The following ZNF480 variants were observed in gnomAD, a reference collection of about 807,000 sequenced individuals.
ZNF480 encodes zinc finger protein 480.
A neutral mutation model predicts 14.4 loss-of-function variants in ZNF480; 15 were observed. The observed-to-expected ratio is 1.04, with a 90% CI of 0.70 to 1.60. ZNF480 has a LOEUF of 1.60. Among genes scored for constraint, ZNF480 ranks in the 40% most tolerant of loss-of-function variants. The pLI is 0.00. For missense variants in ZNF480, 593 were observed against 629.7 expected (o/e 0.94, Z 0.62); for synonymous variants, 218 against 215.5 (o/e 1.01, Z -0.10).
At position 52,322,433 on chromosome 19, in the gene ZNF480, G is replaced by GGA. The variant is rs1463048412; in HGVS notation, c.1188_1189dup (p.Lys397ArgfsTer52). The stretch of plus-strand genomic sequence containing the variant: ...AGCACAACATTGGAGAATTCATACA[G>GGA]GAGAGAAACCTTACAAATGTAATGA... On this transcript the variant is annotated frameshift_variant, in exon 5 of 5. Transcript: ENST00000595962. LOFTEE classifies it low-confidence loss of function (END_TRUNC). 2 of 1,613,890 alleles carry GGA rather than the reference G, an allele frequency of 1.2e-6. No homozygotes were observed. The highest frequency in any genetic ancestry group is 2.7e-5 in the African/African-American group (2 of 74,902).
rs1332522696 is a variant in ZNF480 at position 52,310,267 on chromosome 19, G to A, written c.73-3886G>A. 2.6e-5 allele frequency among the ~76,000 whole-genome samples: 4 copies of A among 152,036 alleles called. No homozygotes were observed. In the East Asian group the frequency reaches 7.7e-4, roughly 29 times the overall value. ...AGATGGGGTTTCACCATGTTGGCCA[G>A]GCTGGTCTCGAACTCCTGACCTCAA... On this transcript the variant is annotated intron_variant, in intron 2 of 4. Coordinates refer to ENST00000595962, the MANE Select transcript of ZNF480 (RefSeq NM_144684.4).
At position 52,315,951 on chromosome 19, in the gene ZNF480, G is replaced by C; in HGVS notation, c.317G>C (p.Gly106Ala). 6.2e-7 allele frequency: 1 copy of C among 1,609,554 alleles called. No homozygotes were observed. Among genetic ancestry groups the C allele is most frequent in the Non-Finnish European group, 8.5e-7 (1 of 1,176,988 alleles). Residue 106 changes from glycine (G) to alanine (A), a missense_variant, in exon 4 of 5, where the codon GGT (glycine) becomes GCT (alanine). Physicochemically the swap from Gly to Ala is moderately conservative, Grantham distance 60 (BLOSUM62 0). Coordinates refer to ENST00000595962, the MANE Select transcript of ZNF480 (RefSeq NM_144684.4). ...KNSDGRECIK[G>A]VNTGSSYALG... is the part of the protein sequence containing the mutation. The stretch of plus-strand genomic sequence containing the variant: ...TCAGATGGGAGGGAGTGCATCAAAG[G>C]TGTGAACACAGGTAAGAGCTCAGAT...
chr19:52,314,951 G>A (rs898417036), intron 3 of ZNF480, among the ~76,000 whole-genome samples: 79 of 152,174 alleles, frequency 5.2e-4, no homozygotes, highest in African/African-American at 1.6e-3. Flanking sequence ...GTACCAGGGC[G>A]GAAGTATGCA....
intron 4 of ZNF480, among the ~76,000 whole-genome samples, chr19:52,316,194 C>CTCTTTCTT (rs56388324): frequency 0.28 from 39,484 of 142,536 alleles, 6,069 homozygotes; most frequent in South Asian, 0.35. Context: ...CTCTCTCTTT[C>CTCTTTCTT]TCTTTCTTTC....
intron 4 of ZNF480, among the ~76,000 whole-genome samples, chr19:52,316,922 T>C (rs577155193): frequency 6.6e-6 from 1 of 152,368 alleles, no homozygotes; most frequent in East Asian, 1.9e-4. Context: ...TATTTGTCTG[T>C]ACCACAGTTT....
In ZNF480 at chr19:52,321,688, G is replaced by A; in HGVS notation, c.438G>A (p.Arg146=). The A allele has an allele frequency of 1.2e-6, 2 of 1,613,966 alleles. No individual in the cohort carries two copies. The highest frequency in any genetic ancestry group is 1.7e-6 in the Non-Finnish European group (2 of 1,179,952). ...AACTGGAGCTATTTCCAGATGAAAG[G>A]GTAATAAATGGATGTAATCAAGTTG... The part of the protein sequence containing the change: ...LSELELFPDE[R]VINGCNQVEN... The change falls in exon 5 of 5, where the codon AGG becomes AGA. Residue 146 remains arginine (R), a synonymous_variant. Transcript: ENST00000595962.
intron 2 of ZNF480, among the ~76,000 whole-genome samples, chr19:52,304,832 C>A (rs1303709619): frequency 6.6e-6 from 1 of 152,046 alleles, no homozygotes; most frequent in South Asian, 2.1e-4. Context: ...GGTGTGGTGG[C>A]TCAAGCCTGT....
chr19:52,321,722 A>G lies in ZNF480; in HGVS notation c.472A>G (p.Ile158Val). 3 of 1,614,104 alleles carry G rather than the reference A, an allele frequency of 1.9e-6. No individual in the cohort carries two copies. The highest frequency in any genetic ancestry group is 1.3e-5 in the African/African-American group (1 of 75,038). The change falls in exon 5 of 5, where the codon ATC becomes GTC. Residue 158 changes from isoleucine to valine, a missense_variant. By Grantham distance (29) the Ile-to-Val change is conservative. Transcript: ENST00000595962. ...INGCNQVENF[I>V]NHSSSVSCLQ... is the part of the protein sequence containing the mutation. ...TGGATGTAATCAAGTTGAAAACTTT[A>G]TCAACCACAGTTCCTCTGTTTCCTG...
At chr19:52,312,023 T>C (rs929335471) in intron 2 of ZNF480, among the ~76,000 whole-genome samples, 2 of 152,138 alleles carry the variant, frequency 1.3e-5, no homozygotes, top group African/African-American at 2.4e-5. Context: ...TTTTTATGTA[T>C]TTTTTTAACA....
chr19:52,300,684 C>T, intron 2 of ZNF480, 200 bp downstream of exon 2: 1 of 880,384 alleles, frequency 1.1e-6, no homozygotes, highest in Non-Finnish European at 1.7e-6. Flanking sequence ...AAGACACAGA[C>T]ACAAGAATAG....
rs1330094966 is a variant in ZNF480 at position 52,314,264 on chromosome 19, A to G, written c.184A>G (p.Asn62Asp). 1.3e-6 allele frequency: 2 copies of G among 1,565,304 alleles called. No homozygotes were observed. The highest frequency in any genetic ancestry group is 1.7e-6 in the Non-Finnish European group (2 of 1,149,846). Residue 62 changes from asparagine to aspartate, a missense_variant, in exon 3 of 5, where the codon AAC becomes GAC. Coordinates refer to ENST00000595962, the MANE Select transcript of ZNF480 (RefSeq NM_144684.4). ...YKDVMLENYR[N>D]LVSLGISLPD... ...GGATGTGATGTTGGAGAACTACAGGAACCTGGTCTCCCTGGGTGAGGATCA... is the reference window on the plus strand; with the variant it reads ...GGATGTGATGTTGGAGAACTACAGGGACCTGGTCTCCCTGGGTGAGGATCA...
chr19:52,308,034 C>G (rs1353312696), intron 2 of ZNF480, among the ~76,000 whole-genome samples: 3 of 152,140 alleles, frequency 2.0e-5, no homozygotes, highest in Admixed American at 1.3e-4. Flanking sequence ...GATTCCATCT[C>G]CCGTTACCCA....
intron 2 of ZNF480, 193 bp downstream of exon 2, chr19:52,300,677 A>G (rs1982648440): frequency 1.1e-6 from 1 of 912,290 alleles, no homozygotes. Context: ...GGAATTAAAG[A>G]CACAGACACA....
At chr19:52,313,513 T>C (rs974232948) in intron 2 of ZNF480, among the ~76,000 whole-genome samples, 3 of 151,558 alleles carry the variant, frequency 2.0e-5, no homozygotes, top group Non-Finnish European at 4.4e-5. Context: ...GTAGTGGTGG[T>C]GATATTGGTA....
At chr19:52,312,230 G>A (rs556093344) in intron 2 of ZNF480, among the ~76,000 whole-genome samples, 5 of 151,120 alleles carry the variant, frequency 3.3e-5, no homozygotes, top group South Asian at 2.1e-4. Context: ...CTGCAATCTC[G>A]GCTCACTGCA....
chr19:52,316,704 C>G (rs1323989083), intron 4 of ZNF480, among the ~76,000 whole-genome samples: 1 of 152,116 alleles, frequency 6.6e-6, no homozygotes, highest in African/African-American at 2.4e-5. Context: ...GAATATTTAA[C>G]TAATTCCCCC....
At chr19:52,306,364 T>C (rs1036881334) in intron 2 of ZNF480, among the ~76,000 whole-genome samples, 2 of 152,186 alleles carry the variant, frequency 1.3e-5, no homozygotes, top group Non-Finnish European at 2.9e-5. Flanking sequence ...CAAGCTCTAA[T>C]GCACACTCCT....
At position 52,322,564 on chromosome 19, in the gene ZNF480, G is replaced by A. The variant is rs1302777372; in HGVS notation, c.1314G>A (p.Glu438=). The A allele has an allele frequency of 4.3e-6, 7 of 1,613,728 alleles. No individual in the cohort carries two copies. Among genetic ancestry groups the A allele is most frequent in the Middle Eastern group, 1.7e-4 (1 of 6,060 alleles). ...ATGAATGTGGTAAAGCATTTAGTGA[G>A]TATTCAGGCCTTTCAGCCCATCTTG... ...KCNECGKAFS[E]YSGLSAHLVI... is the part of the protein sequence containing the mutation. The change falls in exon 5 of 5, where the codon GAG becomes GAA. Residue 438 remains glutamate (E), a synonymous_variant. Coordinates refer to ENST00000595962, the MANE Select transcript of ZNF480 (RefSeq NM_144684.4).
At position 52,319,841 on chromosome 19, in the gene ZNF480, A is replaced by G. The variant is rs1363868205; in HGVS notation, c.329-1738A>G. Among the ~76,000 whole-genome samples the G allele has an allele frequency of 1.7e-4, 19 of 112,518 alleles. No individual in the cohort carries two copies. The Admixed American group carries it at 1.8e-3, about 11-fold the overall frequency. 73.8% of individuals were successfully genotyped at this position (112,518 alleles called of 152,430 possible). A position where few individuals can be genotyped will look rare whatever the true frequency, so the allele number is the denominator to read the frequency against. Reference sequence around the variant, plus strand: ...TTTTTTTTTTTTTTTTTTTTAAATTAGAGTCTTGCTCTGTAGCCCAGGCTG... The same window carrying G: ...TTTTTTTTTTTTTTTTTTTTAAATTGGAGTCTTGCTCTGTAGCCCAGGCTG... On this transcript the variant is annotated intron_variant, in intron 4 of 4. Transcript: ENST00000595962.
Sources: allele counts gnomAD v4.1 joint callset (sites outside exome capture counted in the v4.1 genomes callset), GRCh38; gene constraint gnomAD v4.1.1; transcripts MANE v1.5; gene names NCBI Gene and HGNC (gene_info 2026-07-23, HGNC 2026-07-21).